The following NEK1 variants were observed in gnomAD, a reference collection of about 807,000 sequenced individuals.
The protein encoded by NEK1 is NIMA related kinase 1.
In NEK1, 137 loss-of-function variants were observed where a neutral mutation model predicts 182.1. The observed-to-expected ratio is 0.75, with a 90% CI of 0.65 to 0.87. The LOEUF (loss-of-function observed/expected upper bound fraction) is 0.87. NEK1 is among the 40% of genes least tolerant of loss of function. The pLI is 0.00. For synonymous variants in NEK1, 513 were observed against 492.2 expected, an observed-to-expected ratio of 1.04 and a Z score of -0.56; for missense variants, 1,391 against 1,494.4, an observed-to-expected ratio of 0.93 and a Z score of 1.14.
intron 19 of NEK1, among the ~76,000 whole-genome samples, chr4:169,516,377 G>T (rs1236652961): frequency 7.8e-5 from 10 of 127,840 alleles, no homozygotes; most frequent in Non-Finnish European, 1.6e-4. Flanking sequence ...AAATTTGTTT[G>T]AGTTCATTGT....
chr4:169,435,301 C>G (rs915522118), intron 28 of NEK1, among the ~76,000 whole-genome samples: 1 of 152,126 alleles, frequency 6.6e-6, no homozygotes, highest in African/African-American at 2.4e-5. Context: ...ATGAGGGCGC[C>G]ACTCTCATAA....
At chr4:169,579,572 C>T (rs1023163794) in intron 11 of NEK1, among the ~76,000 whole-genome samples, 1 of 152,032 alleles carries the variant, frequency 6.6e-6, no homozygotes, top group African/African-American at 2.4e-5. Context: ...AGGCAGATCA[C>T]GAGGTCAGGA....
At chr4:169,438,326 T>TG in intron 27 of NEK1, 67 bp from the exon 28 acceptor site, 1 of 1,275,618 alleles carries the variant, frequency 7.8e-7, no homozygotes, top group South Asian at 1.6e-5. Flanking sequence ...GTAATGGCAT[T>TG]GGGGGCAAAG....
intron 16 of NEK1, among the ~76,000 whole-genome samples, chr4:169,561,194 T>C (rs573335988): frequency 5.8e-4 from 89 of 152,320 alleles, no homozygotes; most frequent in African/African-American, 2.1e-3. Context: ...TGCAGTGTCA[T>C]GAATTGTACA....
At chr4:169,598,241 T>A (rs539459943) in intron 5 of NEK1, among the ~76,000 whole-genome samples, 24 of 152,302 alleles carry the variant, frequency 1.6e-4, no homozygotes, top group East Asian at 1.5e-3. Flanking sequence ...CTTGGATTCC[T>A]TATAAATTGA....
At chr4:169,446,548 C>G (rs986312226) in intron 27 of NEK1, among the ~76,000 whole-genome samples, 2 of 152,056 alleles carry the variant, frequency 1.3e-5, no homozygotes, top group African/African-American at 4.8e-5. Context: ...AATATGACCT[C>G]ACCAAATAAC....
In NEK1 at chr4:169,596,972, GATACACACACAC is replaced by G. The variant is rs1473657247; in HGVS notation, c.312+2116_312+2127del. Among the ~76,000 whole-genome samples, 4 of 151,890 alleles carry G rather than the reference GATACACACACAC, an allele frequency of 2.6e-5. No homozygotes were observed. In the South Asian group the frequency reaches 6.2e-4, roughly 24 times the overall value. On this transcript the variant is annotated intron_variant, in intron 5 of 35. Coordinates refer to ENST00000507142, the MANE Select transcript of NEK1 (RefSeq NM_001199397.3). Reference sequence around the variant, plus strand: ...TCCATAATAATTTCCAGGAAGACAAGATACACACACACATACACACACACACCACATTATGTA... The same window carrying G: ...TCCATAATAATTTCCAGGAAGACAAGATACACACACACACCACATTATGTA...
chr4:169,479,538 T>C lies in NEK1; in HGVS notation c.2008-4A>G, dbSNP rs763009313. Reference sequence around the variant, plus strand: ...TCTTAACTCCTTTAGCCACCAACTATAAAAAAGGATTTTATTAAATACATT... The same window carrying C: ...TCTTAACTCCTTTAGCCACCAACTACAAAAAAGGATTTTATTAAATACATT... On this transcript the variant is annotated splice_polypyrimidine_tract_variant and splice_region_variant and intron_variant, in intron 23 of 35. Coordinates refer to ENST00000507142, the MANE Select transcript of NEK1 (RefSeq NM_001199397.3). The C allele has an allele frequency of 3.1e-6, 5 of 1,589,048 alleles. No individual in the cohort carries two copies. In the East Asian group the frequency reaches 6.7e-5, roughly 21 times the overall value.
At chr4:169,544,599 G>GTTTTTTTTTTTTTTTTT (rs139478702) in intron 18 of NEK1, among the ~76,000 whole-genome samples, 1 of 66,268 alleles carries the variant, frequency 1.5e-5, no homozygotes, top group Non-Finnish European at 2.8e-5. Flanking sequence ...TCTGGTCATG[G>GTTTTTTTTTTTTTTTTT]TTTTTTTTTT....
chr4:169,572,127 A>G (rs1457408194), intron 12 of NEK1, among the ~76,000 whole-genome samples: 1 of 152,152 alleles, frequency 6.6e-6, no homozygotes, highest in Non-Finnish European at 1.5e-5. Flanking sequence ...CCATCATAAA[A>G]GGAACATTTG....
chr4:169,558,405 A>G (rs748729644), intron 16 of NEK1, among the ~76,000 whole-genome samples: 3 of 152,246 alleles, frequency 2.0e-5, no homozygotes, highest in Non-Finnish European at 2.9e-5. Flanking sequence ...CCATTACCCC[A>G]GAAAGTTCCC....
At chr4:169,607,850 C>T (rs1335576954) in intron 2 of NEK1, among the ~76,000 whole-genome samples, 4 of 151,918 alleles carry the variant, frequency 2.6e-5, no homozygotes, top group Non-Finnish European at 5.9e-5. Context: ...TTACGGCAGA[C>T]AGGACACAGC....
chr4:169,531,437 G>C (rs895894152), intron 19 of NEK1, among the ~76,000 whole-genome samples: 2 of 150,152 alleles, frequency 1.3e-5, no homozygotes, highest in African/African-American at 4.9e-5. Flanking sequence ...AATGATGTGA[G>C]AAATTTGAAA....
chr4:169,496,289 T>C (rs1751264939), intron 23 of NEK1, among the ~76,000 whole-genome samples: 1 of 151,910 alleles, frequency 6.6e-6, no homozygotes, highest in Non-Finnish European at 1.5e-5. Flanking sequence ...CCTATCAGCT[T>C]AAGGAGATTT....
chr4:169,445,865 T>TACACACAC lies in NEK1; in HGVS notation c.2588-7614_2588-7607dup, dbSNP rs201151434. Among the ~76,000 whole-genome samples the TACACACAC allele has an allele frequency of 7.5e-4, 108 of 143,140 alleles. 1 individual carries two copies. The highest frequency in any genetic ancestry group is 2.3e-3 in the African/African-American group (81 of 35,850). The allele number at this position is 143,140 out of a possible 152,430, so 93.9% of individuals were successfully genotyped here. ...AACTATATACATATATATATATATATACACACACACACACACACACATGCA... is the reference window on the plus strand; with the variant it reads ...AACTATATACATATATATATATATATACACACACACACACACACACACACACACATGCA... On this transcript the variant is annotated intron_variant, in intron 27 of 35. Coordinates refer to ENST00000507142, the MANE Select transcript of NEK1 (RefSeq NM_001199397.3).
chr4:169,540,540 AAC>A (rs1387954605), intron 18 of NEK1, among the ~76,000 whole-genome samples: 1 of 152,144 alleles, frequency 6.6e-6, no homozygotes, highest in Non-Finnish European at 1.5e-5. Context: ...ATTAAGAGAA[AAC>A]AGTCAGTTTA....
intron 23 of NEK1, among the ~76,000 whole-genome samples, chr4:169,502,243 T>TAA (rs552684420): frequency 1.7e-4 from 19 of 112,644 alleles, no homozygotes; most frequent in South Asian, 2.6e-4. Flanking sequence ...GAAACAGTAA[T>TAA]AAAAAAAAAA....
chr4:169,404,020 T>G (rs1421666336), intron 32 of NEK1, among the ~76,000 whole-genome samples: 2 of 152,162 alleles, frequency 1.3e-5, no homozygotes, highest in Non-Finnish European at 2.9e-5. Flanking sequence ...AATAAAATTC[T>G]GTCATCAATT....
At position 169,585,491 on chromosome 4, in the gene NEK1, G is replaced by A. The variant is rs1767388566; in HGVS notation, c.665C>T (p.Pro222Leu). ...VLKIISGSFP[P>L]VSLHYSYDLR... ...ATCATAGGAATAATGCAAAGACACA[G>A]GTGGAAAAGATCCAGATATTATCTT... is the stretch of plus-strand genomic sequence containing the variant. Residue 222 changes from proline (P) to leucine (L), a missense_variant, in exon 10 of 36, where the codon CCT becomes CTT. Around this residue, in one of 5 missense-constraint regions of NEK1, gnomAD observed 1,216 missense variants for 1,277.6 expected, o/e 0.95. Transcript: ENST00000507142. 1 of 1,613,480 alleles carries A rather than the reference G, an allele frequency of 6.2e-7. No individual in the cohort carries two copies.
Sources: gnomAD v4.1 joint callset for allele counts (sites outside exome capture counted in the v4.1 genomes callset) on GRCh38, gnomAD v4.1.1 for gene constraint, gnomAD v4.1.1 regional missense constraint, MANE v1.5 for transcripts, NCBI Gene and HGNC (gene_info 2026-07-23, HGNC 2026-07-21) for gene names.